The following BACE2 variants were observed in gnomAD, a reference collection of about 807,000 sequenced individuals.
BACE2 encodes the protein 56 kDa aspartic-like protease.
In BACE2, 17 loss-of-function variants were observed where a neutral mutation model predicts 46.2. That is an observed-to-expected ratio of 0.37 (90% CI 0.25 to 0.55). BACE2 has a LOEUF of 0.55. Among genes scored for constraint, BACE2 ranks in the 20% least tolerant of loss-of-function variants. The probability of loss-of-function intolerance (pLI) is 0.82; values close to 1 mark genes in which losing one functional copy is unlikely to be tolerated. For missense variants in BACE2, 595 were observed against 698.1 expected, an observed-to-expected ratio of 0.85 and a Z score of 1.66; for synonymous variants, 277 against 295.9, an observed-to-expected ratio of 0.94 and a Z score of 0.66.
intron 8 of BACE2, among the ~76,000 whole-genome samples, chr21:41,259,387 G>A (rs568409258): frequency 6.6e-5 from 10 of 151,572 alleles, no homozygotes; most frequent in East Asian, 3.9e-4. Context: ...TGCAATTAAC[G>A]GCCCAGACAG....
At chr21:41,218,045 C>T (rs1017587532) in intron 1 of BACE2, among the ~76,000 whole-genome samples, 10 of 152,208 alleles carry the variant, frequency 6.6e-5, no homozygotes, top group Admixed American at 6.5e-4. Flanking sequence ...CAGTTTGTGG[C>T]TGTTTGTTAA....
intron 8 of BACE2, among the ~76,000 whole-genome samples, chr21:41,257,974 G>A (rs1235352788): frequency 6.6e-6 from 1 of 152,174 alleles, no homozygotes; most frequent in Non-Finnish European, 1.5e-5. Flanking sequence ...CACCACACAC[G>A]GCTTAATGGG....
At chr21:41,247,176 G>A (rs939621866) in intron 6 of BACE2, among the ~76,000 whole-genome samples, 2 of 152,190 alleles carry the variant, frequency 1.3e-5, no homozygotes, top group African/African-American at 4.8e-5. Flanking sequence ...ACAGCTCATA[G>A]CAGAAACGTG....
chr21:41,206,284 C>T lies in BACE2; in HGVS notation c.313-19982C>T, dbSNP rs528576977. 9.2e-5 allele frequency among the ~76,000 whole-genome samples: 14 copies of T among 152,208 alleles called. No homozygotes were observed. In the East Asian group the frequency reaches 1.4e-3, roughly 15 times the overall value. The stretch of plus-strand genomic sequence containing the variant: ...GGCAGAAAGAGGGTGAGAGCTCCTC[C>T]GTCCTTTTTATAAGGGCACTAATCC... On this transcript the variant is annotated intron_variant, in intron 1 of 8. Transcript: ENST00000330333.
chr21:41,213,272 G>A (rs1368199779), intron 1 of BACE2, among the ~76,000 whole-genome samples: 3 of 152,160 alleles, frequency 2.0e-5, no homozygotes, highest in Admixed American at 2.0e-4. Flanking sequence ...CAAAAATCAG[G>A]GCATGAGCTG....
chr21:41,241,635 A>G (rs1030169941), intron 3 of BACE2, 184 bp from the exon 4 acceptor site: 3 of 595,814 alleles, frequency 5.0e-6, no homozygotes, highest in Non-Finnish European at 8.7e-6. Flanking sequence ...AATGCCAACC[A>G]GTGGGAAGCT....
chr21:41,255,118 T>C (rs1433976257), intron 7 of BACE2, among the ~76,000 whole-genome samples: 2 of 152,174 alleles, frequency 1.3e-5, no homozygotes, highest in African/African-American at 4.8e-5. Context: ...GGGTGAATCA[T>C]GAATTTACTG....
intron 1 of BACE2, chr21:41,183,886 A>G (rs1473071293): frequency 1.2e-5 from 2 of 167,048 alleles, no homozygotes; most frequent in Non-Finnish European, 2.9e-5. Flanking sequence ...ATTCTGGCCC[A>G]GGGGTCAGCA....
At position 41,254,533 on chromosome 21, in the gene BACE2, C is replaced by T. The variant is rs75038945; in HGVS notation, c.1135-2625C>T. 3.6e-3 allele frequency among the ~76,000 whole-genome samples: 547 copies of T among 152,324 alleles called. 3 individuals carry two copies. Among genetic ancestry groups the T allele is most frequent in the African/African-American group, 0.012 (492 of 41,562 alleles). Reference sequence around the variant, plus strand: ...GGTTCGTTTTCTTACTCATTTTGCACTCTTGCTTTTCTCCAAACAGGGGCA... The same window carrying T: ...GGTTCGTTTTCTTACTCATTTTGCATTCTTGCTTTTCTCCAAACAGGGGCA... On this transcript the variant is annotated intron_variant, in intron 7 of 8. Coordinates refer to ENST00000330333, the MANE Select transcript of BACE2 (RefSeq NM_012105.5).
intron 1 of BACE2, among the ~76,000 whole-genome samples, chr21:41,197,892 T>C (rs543087445): frequency 6.6e-6 from 1 of 152,310 alleles, no homozygotes; most frequent in South Asian, 2.1e-4. Context: ...CTGCCTCTTG[T>C]GTGTTTTATA....
chr21:41,208,434 C>G (rs1413084166), intron 1 of BACE2, among the ~76,000 whole-genome samples: 1 of 152,190 alleles, frequency 6.6e-6, no homozygotes, highest in African/African-American at 2.4e-5. Context: ...CTCTGCTCCA[C>G]TCGCCCAAGC....
intron 1 of BACE2, among the ~76,000 whole-genome samples, chr21:41,208,874 C>G (rs1986213281): frequency 6.6e-6 from 1 of 152,136 alleles, no homozygotes; most frequent in South Asian, 2.1e-4. Flanking sequence ...GAGGCAGCAC[C>G]TGGATCAGGA....
rs1178393354 is a variant in BACE2, at chr21:41,178,865, A to C, written c.312+10290A>C. On this transcript the variant is annotated intron_variant, in intron 1 of 8. Transcript: ENST00000330333. ...TATAAGGAAGACAGATTGTCAAGGA[A>C]GTAAACAGACTTTTAGAGGAGTGCT... 52 of 253,280 alleles carry C rather than the reference A, an allele frequency of 2.1e-4. 1 individual carries two copies. 15.7% of individuals were successfully genotyped at this position (253,280 alleles called of 1,614,324 possible). A position where few individuals can be genotyped will look rare whatever the true frequency, so the allele number is the denominator to read the frequency against.
chr21:41,228,686 A>T (rs1986889197), intron 2 of BACE2, among the ~76,000 whole-genome samples: 1 of 152,152 alleles, frequency 6.6e-6, no homozygotes, highest in Non-Finnish European at 1.5e-5. Context: ...GAGAGATCCG[A>T]CCTCACTACG....
chr21:41,241,615 C>T (rs1441030341), intron 3 of BACE2: 1 of 556,090 alleles, frequency 1.8e-6, no homozygotes, highest in Non-Finnish European at 3.1e-6. Context: ...AGAGCCGTGC[C>T]CAAAGGAAGA....
intron 1 of BACE2, chr21:41,178,671 A>G: frequency 6.2e-6 from 1 of 162,206 alleles, no homozygotes; most frequent in Non-Finnish European, 1.4e-5. Context: ...CAGGAGTTCA[A>G]GGCTGCAATG....
In BACE2 at chr21:41,278,559, G is replaced by C. The variant is rs372005937; in HGVS notation, c.*2935G>C. 3 of 152,316 alleles carry C rather than the reference G, an allele frequency of 2.0e-5. No homozygotes were observed. The East Asian group carries it at 5.8e-4, about 29-fold the overall frequency. The allele number at this position is 152,316 out of a possible 1,614,324, so 9.4% of individuals were successfully genotyped here. A position where few individuals can be genotyped will look rare whatever the true frequency, so the allele number is the denominator to read the frequency against. ...GCCTGATTCATGGTGAAACACAGAGGTTTTGGTTGGAGATAAATTTGGGGT... is the reference window on the plus strand; with the variant it reads ...GCCTGATTCATGGTGAAACACAGAGCTTTTGGTTGGAGATAAATTTGGGGT... On this transcript the variant is annotated 3_prime_UTR_variant, in exon 9 of 9. Coordinates refer to ENST00000330333, the MANE Select transcript of BACE2 (RefSeq NM_012105.5).
At chr21:41,211,713 T>TTTAAA (rs1444526838) in intron 1 of BACE2, among the ~76,000 whole-genome samples, 1 of 152,258 alleles carries the variant, frequency 6.6e-6, no homozygotes, top group Admixed American at 6.5e-5. Flanking sequence ...TGAGCCATTA[T>TTTAAA]TTAAATTATC....
chr21:41,252,412 C>G (rs773722593), intron 7 of BACE2: 2 of 152,250 alleles, frequency 1.3e-5, no homozygotes, highest in Admixed American at 1.3e-4. Context: ...CTCAAACAAC[C>G]CAGCTTTTGT....
Sources: gnomAD v4.1 joint callset for allele counts (sites outside exome capture counted in the v4.1 genomes callset) on GRCh38, gnomAD v4.1.1 for gene constraint, MANE v1.5 for transcripts, NCBI Gene and HGNC (gene_info 2026-07-23, HGNC 2026-07-21) for gene names.